The following MIPOL1 variants were observed in gnomAD, a reference collection of about 807,000 sequenced individuals.
MIPOL1 encodes mirror-image polydactyly 1.
In MIPOL1, 57 loss-of-function variants were observed where a neutral mutation model predicts 60.9. The ratio of observed to expected loss-of-function variants is 0.94; its 90% CI spans 0.76 to 1.17. The LOEUF is 1.17. MIPOL1 is among the 50% of genes most tolerant of loss of function. MIPOL1 has a pLI of 0.00. For synonymous variants in MIPOL1, 179 were observed against 168.8 expected (o/e 1.06, Z -0.47); for missense variants, 551 against 511.6 (o/e 1.08, Z -0.74).
intron 9 of MIPOL1, among the ~76,000 whole-genome samples, chr14:37,338,402 G>C (rs1253085273): frequency 9.3e-6 from 1 of 107,900 alleles, no homozygotes; most frequent in South Asian, 3.6e-4. Flanking sequence ...GAACCACCGC[G>C]CCTGGCCCCC....
chr14:37,274,187 C>G (rs2083480811), intron 6 of MIPOL1, among the ~76,000 whole-genome samples: 1 of 151,480 alleles, frequency 6.6e-6, no homozygotes, highest in African/African-American at 2.4e-5. Flanking sequence ...CAAAAGATTT[C>G]AGCTTTTCTG....
intron 9 of MIPOL1, among the ~76,000 whole-genome samples, chr14:37,349,413 C>T (rs2091187037): frequency 6.6e-6 from 1 of 152,182 alleles, no homozygotes; most frequent in Non-Finnish European, 1.5e-5. Flanking sequence ...GTAGTCTTTA[C>T]AAGAATCTCA....
chr14:37,268,067 T>C (rs2083014702), intron 4 of MIPOL1, among the ~76,000 whole-genome samples: 1 of 152,166 alleles, frequency 6.6e-6, no homozygotes, highest in African/African-American at 2.4e-5. Flanking sequence ...AAAAATATTA[T>C]TAGATTTAAA....
intron 11 of MIPOL1, among the ~76,000 whole-genome samples, chr14:37,449,565 G>T (rs1489989734): frequency 6.6e-6 from 1 of 152,102 alleles, no homozygotes; most frequent in Admixed American, 6.6e-5. Flanking sequence ...CAACATTGCT[G>T]ACCATGCTAA....
intron 9 of MIPOL1, among the ~76,000 whole-genome samples, chr14:37,345,449 T>C (rs2061429017): frequency 6.6e-6 from 1 of 152,200 alleles, no homozygotes; most frequent in Non-Finnish European, 1.5e-5. Context: ...TCAATAATTT[T>C]ATTTGTTCAG....
intron 9 of MIPOL1, among the ~76,000 whole-genome samples, chr14:37,322,044 A>G (rs575543384): frequency 3.9e-5 from 6 of 152,008 alleles, no homozygotes; most frequent in Non-Finnish European, 8.8e-5. Context: ...CACATTATCT[A>G]GGTATTTATT....
chr14:37,425,810 A>G (rs963373906), intron 11 of MIPOL1, among the ~76,000 whole-genome samples: 1 of 152,214 alleles, frequency 6.6e-6, no homozygotes, highest in Non-Finnish European at 1.5e-5. Context: ...TAAGTGGTTA[A>G]CTATGATAAG....
chr14:37,349,886 G>A (rs755143993), intron 9 of MIPOL1, among the ~76,000 whole-genome samples: 14 of 151,982 alleles, frequency 9.2e-5, no homozygotes, highest in Non-Finnish European at 1.8e-4. Flanking sequence ...AATATTGGTT[G>A]AAAAAAATGC....
chr14:37,212,968 T>G (rs534042070), intron 1 of MIPOL1, among the ~76,000 whole-genome samples: 1 of 152,304 alleles, frequency 6.6e-6, no homozygotes, highest in Admixed American at 6.5e-5. Context: ...TGTCCAAGAT[T>G]ATCAAGGTTG....
chr14:37,363,824 A>G (rs559541024), intron 9 of MIPOL1, among the ~76,000 whole-genome samples: 2 of 152,122 alleles, frequency 1.3e-5, no homozygotes, highest in Non-Finnish European at 2.9e-5. Context: ...GTTTACCTAC[A>G]TAAGCCTCAG....
At chr14:37,360,650 G>A (rs1046654338) in intron 9 of MIPOL1, among the ~76,000 whole-genome samples, 3 of 150,700 alleles carry the variant, frequency 2.0e-5, no homozygotes, top group Non-Finnish European at 3.0e-5. Context: ...ATTTGTGTGG[G>A]ATCGGTGGTG....
At chr14:37,385,376 G>T (rs1170154676) in intron 10 of MIPOL1, 3 of 152,032 alleles carry the variant, frequency 2.0e-5, no homozygotes, top group Admixed American at 2.0e-4. Context: ...TTTTCTTTTC[G>T]GGTATTGCTT....
chr14:37,521,910 A>ATTTTTT (rs34333538), intron 12 of MIPOL1, among the ~76,000 whole-genome samples: 10 of 132,772 alleles, frequency 7.5e-5, no homozygotes, highest in African/African-American at 2.5e-4. Flanking sequence ...ATATATATAT[A>ATTTTTT]TTTTTTTTTT....
intron 7 of MIPOL1, among the ~76,000 whole-genome samples, chr14:37,307,499 A>G (rs550258108): frequency 2.6e-4 from 40 of 152,134 alleles, no homozygotes; most frequent in Middle Eastern, 6.8e-3. Flanking sequence ...TACATATATT[A>G]TGAAGAAGAA....
At chr14:37,271,577 A>G (rs2083304210) in intron 6 of MIPOL1, among the ~76,000 whole-genome samples, 1 of 151,870 alleles carries the variant, frequency 6.6e-6, no homozygotes, top group African/African-American at 2.4e-5. Context: ...CTTTTCTGTT[A>G]ATGTTAAACT....
chr14:37,389,745 T>C (rs1325053103), intron 10 of MIPOL1, among the ~76,000 whole-genome samples: 1 of 151,094 alleles, frequency 6.6e-6, no homozygotes, highest in Non-Finnish European at 1.5e-5. Context: ...AGAGCCATTG[T>C]CTGGTATTTA....
intron 1 of MIPOL1, among the ~76,000 whole-genome samples, chr14:37,202,384 TACACACAC>T (rs3061896): frequency 2.0e-5 from 3 of 150,038 alleles, no homozygotes; most frequent in Admixed American, 6.6e-5. Flanking sequence ...TGCATTTCAT[TACACACAC>T]ACACACACAC....
intron 9 of MIPOL1, among the ~76,000 whole-genome samples, chr14:37,330,904 T>G (rs996258134): frequency 6.6e-6 from 1 of 152,108 alleles, no homozygotes; most frequent in African/African-American, 2.4e-5. Context: ...GGACAGTATT[T>G]GTTGTATCTA....
intron 7 of MIPOL1, among the ~76,000 whole-genome samples, chr14:37,297,656 C>A (rs939598865): frequency 1.6e-4 from 25 of 151,902 alleles, no homozygotes; most frequent in Non-Finnish European, 3.1e-4. Context: ...TCTTATACAC[C>A]AATAACAGAC....
Sources: gnomAD v4.1 joint callset for allele counts (sites outside exome capture counted in the v4.1 genomes callset) on GRCh38, gnomAD v4.1.1 for gene constraint, MANE v1.5 for transcripts, NCBI Gene and HGNC (gene_info 2026-07-23, HGNC 2026-07-21) for gene names.